The following TUBB8B variants were observed in gnomAD, a reference collection of about 807,000 sequenced individuals.
TUBB8B encodes tubulin beta 8B, also known as HSA18p11 beta-tubulin 4Q pseudogene.
In TUBB8B, 26 loss-of-function variants were observed where a neutral mutation model predicts 31.9. That is an observed-to-expected ratio of 0.81 (90% confidence interval 0.60 to 1.13). The LOEUF (loss-of-function observed/expected upper bound fraction) is 1.13, where lower values mean the gene tolerates loss of function less well. TUBB8B is among the 50% of genes most tolerant of loss of function. The probability of loss-of-function intolerance (pLI) is 0.00; values close to 1 mark genes in which losing one functional copy is unlikely to be tolerated. For missense variants in TUBB8B, 467 were observed against 586.7 expected, an observed-to-expected ratio of 0.80 and a Z score of 2.11; for synonymous variants, 173 against 231.0, an observed-to-expected ratio of 0.75 and a Z score of 2.28.
Position 47,411 on chromosome 18 carries a change from A to C in TUBB8B, c.1314T>G (p.Tyr438Ter). 1 of 1,153,572 alleles carries C rather than the reference A, an allele frequency of 8.7e-7. No homozygotes were observed. Among genetic ancestry groups the C allele is most frequent in the Non-Finnish European group, 1.3e-6 (1 of 777,130 alleles). The allele number at this position is 1,153,572 out of a possible 1,614,324, so 71.5% of individuals were successfully genotyped here. Residue 438 changes from tyrosine (Y) to a stop codon, truncating the protein, a stop_gained, in exon 4 of 4, where the codon TAT becomes TAG. Transcript: ENST00000308911. LOFTEE classifies it high-confidence loss of function. Reference sequence around the variant, plus strand: ...AGTTCTAGGCCACCTCCTCCTCGGCATACTCCTCATCCTCCTCCTCCTCGG... The same window carrying C: ...AGTTCTAGGCCACCTCCTCCTCGGCCTACTCCTCATCCTCCTCCTCCTCGG... ...ATAEEEEDEE[Y>*]AEEEVA
the TUBB8B span, among the ~76,000 whole-genome samples, chr18:59,546 CTTTT>C: frequency 7.3e-6 from 1 of 136,844 alleles, no homozygotes. Context: ...GTCCTTCATT[CTTTT>C]TTTTTTTTTT....
At chr18:55,425 G>A in the TUBB8B span, among the ~76,000 whole-genome samples, 887 of 151,928 alleles carry the variant, frequency 5.8e-3, 18 homozygotes, top group African/African-American at 0.02. Flanking sequence ...AAAGGAAATA[G>A]GTTTAACTGA....
At chr18:71,449 A>C in the TUBB8B span, among the ~76,000 whole-genome samples, 1 of 151,238 alleles carries the variant, frequency 6.6e-6, no homozygotes, top group Non-Finnish European at 1.5e-5. Flanking sequence ...CAGGAGGCTG[A>C]GGTAGGAGAG....
At chr18:63,799 G>A in the TUBB8B span, among the ~76,000 whole-genome samples, 7 of 122,778 alleles carry the variant, frequency 5.7e-5, no homozygotes, top group African/African-American at 1.6e-4. Flanking sequence ...TAACCGTTAC[G>A]CTAACCCTAA....
chr18:64,295 C>T, the TUBB8B span, among the ~76,000 whole-genome samples: 1 of 152,156 alleles, frequency 6.6e-6, no homozygotes, highest in Non-Finnish European at 1.5e-5. Flanking sequence ...CTCACATATG[C>T]ATACCCCTAC....
upstream of TUBB8B, among the ~76,000 whole-genome samples, chr18:54,285 T>C (rs1414088586): frequency 6.6e-6 from 1 of 151,750 alleles, no homozygotes; most frequent in African/African-American, 2.4e-5. Flanking sequence ...TATATATTTA[T>C]GGGGGTACAT....
At position 47,680 on chromosome 18, in the gene TUBB8B, C is replaced by T. The variant is rs191210390; in HGVS notation, c.1045G>A (p.Val349Ile). Residue 349 changes from valine (V) to isoleucine (I), a missense_variant, in exon 4 of 4, where the codon GTA (valine) becomes ATA (isoleucine). Physicochemically the swap from Val to Ile is conservative, Grantham distance 29 (BLOSUM62 3). This residue lies in a region of TUBB8B where 208 missense variants were observed against 206.7 expected (regional missense o/e 1.01). Coordinates refer to ENST00000308911, the MANE Select transcript of TUBB8B (RefSeq NM_001358689.2). ...GGGATGTCACAGACGGCTGTTTTTA[C>T]GTTGTCGGGGAACCAGTCAGCAAAG... ...SYFADWFPDN[V>I]KTAVCDIPPR... The T allele has an allele frequency of 3.0e-4, 476 of 1,610,308 alleles. 3 individuals are homozygous for T. Among genetic ancestry groups the T allele is most frequent in the Admixed American group, 4.3e-4 (26 of 59,878 alleles).
At chr18:63,647 C>A in the TUBB8B span, among the ~76,000 whole-genome samples, 3 of 149,630 alleles carry the variant, frequency 2.0e-5, no homozygotes, top group African/African-American at 5.1e-5. Flanking sequence ...AACCCCAAAC[C>A]CTAACCCTAG....
At chr18:63,565 C>G in the TUBB8B span, among the ~76,000 whole-genome samples, 5 of 151,390 alleles carry the variant, frequency 3.3e-5, no homozygotes, top group African/African-American at 4.8e-5. Flanking sequence ...TTGGTCTCAC[C>G]CAAGGCCCAC....
chr18:59,744 AT>A, the TUBB8B span, among the ~76,000 whole-genome samples: 1 of 151,476 alleles, frequency 6.6e-6, no homozygotes, highest in African/African-American at 2.4e-5. Context: ...GGGTTTTGCC[AT>A]GTTGGCCAGG....
the TUBB8B span, among the ~76,000 whole-genome samples, chr18:57,236 C>G: frequency 1.3e-5 from 2 of 151,686 alleles, no homozygotes; most frequent in African/African-American, 4.8e-5. Flanking sequence ...ACTCAAAAGT[C>G]AAAAGTCTCA....
the TUBB8B span, among the ~76,000 whole-genome samples, chr18:55,712 C>T: frequency 6.6e-6 from 1 of 151,776 alleles, no homozygotes; most frequent in Non-Finnish European, 1.5e-5. Context: ...GGACACAAAG[C>T]CTAACCATAT....
upstream of TUBB8B, among the ~76,000 whole-genome samples, chr18:52,965 C>T (rs557690365): frequency 3.3e-5 from 5 of 151,816 alleles, no homozygotes; most frequent in African/African-American, 7.2e-5. Context: ...ACAATTAACC[C>T]GTTGACCTAA....
chr18:55,039 C>G, the TUBB8B span, among the ~76,000 whole-genome samples: 3 of 151,928 alleles, frequency 2.0e-5, no homozygotes, highest in African/African-American at 7.2e-5. Flanking sequence ...ATGTTTTGAA[C>G]TCAATATATT....
the TUBB8B span, among the ~76,000 whole-genome samples, chr18:67,313 A>G: frequency 9.9e-5 from 15 of 152,062 alleles, no homozygotes; most frequent in Admixed American, 3.3e-4. Flanking sequence ...CAAGTCTTGT[A>G]CCTTGGTTAA....
At chr18:70,208 A>C in the TUBB8B span, among the ~76,000 whole-genome samples, 7 of 152,242 alleles carry the variant, frequency 4.6e-5, no homozygotes, top group African/African-American at 9.6e-5. Context: ...ATCAAACTGG[A>C]AACTGAGAGA....
the TUBB8B span, among the ~76,000 whole-genome samples, chr18:55,699 T>TG: frequency 1.1e-4 from 16 of 151,944 alleles, no homozygotes; most frequent in East Asian, 3.1e-3. Context: ...GAGATTTGGG[T>TG]GGGGACACAA....
chr18:47,782 C>T lies in TUBB8B; in HGVS notation c.943G>A (p.Ala315Thr). The T allele has an allele frequency of 5.0e-6, 8 of 1,611,650 alleles. No homozygotes were observed. Among genetic ancestry groups the T allele is most frequent in the South Asian group, 1.1e-5 (1 of 91,006 alleles). ...ATGGGCATGCGACCCCTGAAAATGG[C>T]AGCCACCGTTAGGTAGCAGCCGTGA... ...PRHGCYLTVA[A>T]IFRGRMPMRE... The change falls in exon 4 of 4, where the codon GCC (alanine) becomes ACC (threonine). Residue 315 changes from alanine to threonine, a missense_variant. Ala to Thr is a moderately conservative substitution (Grantham distance 58). Coordinates refer to ENST00000308911, the MANE Select transcript of TUBB8B (RefSeq NM_001358689.2).
chr18:51,034 T>A (rs1285123880), upstream of TUBB8B, among the ~76,000 whole-genome samples: 2 of 151,858 alleles, frequency 1.3e-5, no homozygotes, highest in African/African-American at 4.8e-5. Flanking sequence ...AAATGTTAAC[T>A]TTTAAATCCT....
Sources: allele counts gnomAD v4.1 joint callset (sites outside exome capture counted in the v4.1 genomes callset), GRCh38; gene constraint gnomAD v4.1.1; regional missense constraint gnomAD v4.1.1; transcripts MANE v1.5; gene names NCBI Gene and HGNC (gene_info 2026-07-23, HGNC 2026-07-21).